Variants in ENAH observed in about 807,000 individuals in gnomAD.
ENAH encodes ENAH actin regulator, also known as protein enabled homolog.
In ENAH, 23 loss-of-function variants were observed where a neutral mutation model predicts 78.7. That is an observed-to-expected ratio of 0.29 (90% CI 0.21 to 0.41). ENAH has a LOEUF of 0.41. Ranked by LOEUF, ENAH falls within the 10% of genes least tolerant of loss-of-function variation. The probability of loss-of-function intolerance (pLI) is 1.00; values close to 1 mark genes in which losing one functional copy is unlikely to be tolerated. For missense variants in ENAH, 544 were observed against 691.0 expected (o/e 0.79, Z 2.39); for synonymous variants, 226 against 241.0 (o/e 0.94, Z 0.58).
intron 1 of ENAH, among the ~76,000 whole-genome samples, chr1:225,594,184 T>C (rs528178428): frequency 6.6e-6 from 1 of 152,198 alleles, no homozygotes; most frequent in African/African-American, 2.4e-5. Context: ...TGTTCTTAAA[T>C]GGATGTGAAA....
intron 1 of ENAH, among the ~76,000 whole-genome samples, chr1:225,581,544 A>T (rs2096817808): frequency 6.6e-6 from 1 of 152,184 alleles, no homozygotes; most frequent in South Asian, 2.1e-4. Context: ...ACCATATGAG[A>T]TCAAGAAAGA....
At chr1:225,500,879 T>A (rs920750534) in intron 12 of ENAH, 113 bp downstream of exon 12, 21 of 963,782 alleles carry the variant, frequency 2.2e-5, no homozygotes, top group Non-Finnish European at 3.3e-5. Flanking sequence ...TGTATAACAA[T>A]AGCTCTATCG....
At chr1:225,578,291 A>C (rs2096797683) in intron 1 of ENAH, among the ~76,000 whole-genome samples, 2 of 152,082 alleles carry the variant, frequency 1.3e-5, no homozygotes, top group Non-Finnish European at 2.9e-5. Context: ...ACAAAGTGAG[A>C]CTCTGTCTCC....
At position 225,487,900 on chromosome 1, in the gene ENAH, C is replaced by G. The variant is rs1439551586; in HGVS notation, c.*9875G>C. ...TCACTTTTAAATTTTTTCTACTGTG[C>G]TGTTCTACTATATACTTTTGGTCTA... On this transcript the variant is annotated 3_prime_UTR_variant, in exon 14 of 14. Coordinates refer to ENST00000366843, the MANE Select transcript of ENAH (RefSeq NM_018212.6). 1 of 152,016 alleles carries G rather than the reference C, an allele frequency of 6.6e-6. No individual in the cohort carries two copies. The highest frequency in any genetic ancestry group is 1.5e-5 in the Non-Finnish European group (1 of 68,012). 9.4% of individuals were successfully genotyped at this position (152,016 alleles called of 1,614,324 possible). A position where few individuals can be genotyped will look rare whatever the true frequency, so the allele number is the denominator to read the frequency against.
At chr1:225,629,385 T>G (rs1039522199) in intron 1 of ENAH, among the ~76,000 whole-genome samples, 4 of 148,944 alleles carry the variant, frequency 2.7e-5, no homozygotes, top group Non-Finnish European at 6.0e-5. Flanking sequence ...CAGGAATTCG[T>G]GACCAGCCTG....
chr1:225,509,457 G>A (rs572911122), intron 10 of ENAH, among the ~76,000 whole-genome samples: 44 of 152,278 alleles, frequency 2.9e-4, no homozygotes, highest in Admixed American at 2.4e-3. Context: ...GGTTCAGCTG[G>A]CCCTGTGGAA....
chr1:225,562,910 C>G (rs1042547237), intron 2 of ENAH, among the ~76,000 whole-genome samples: 3 of 150,638 alleles, frequency 2.0e-5, no homozygotes, highest in Non-Finnish European at 4.4e-5. Context: ...GAGGTCAAGG[C>G]TGCAGTGAGC....
intron 5 of ENAH, chr1:225,517,640 A>T: frequency 6.4e-7 from 1 of 1,550,694 alleles, no homozygotes; most frequent in East Asian, 2.4e-5. Flanking sequence ...GAAAAATTGG[A>T]AGTAGACCAG....
Position 225,519,278 on chromosome 1 carries a change from T to G in ENAH, c.722A>C (p.Glu241Ala). 1 of 1,614,086 alleles carries G rather than the reference T, an allele frequency of 6.2e-7. No homozygotes were observed. Among genetic ancestry groups the G allele is most frequent in the South Asian group, 1.1e-5 (1 of 91,080 alleles). Residue 241 changes from glutamate (E) to alanine (A), a missense_variant, in exon 5 of 14, where the codon GAG (glutamate) becomes GCG (alanine). Physicochemically the swap from Glu to Ala is moderately radical, Grantham distance 107 (BLOSUM62 -1). Coordinates refer to ENST00000366843, the MANE Select transcript of ENAH (RefSeq NM_018212.6). ...CTCTTGTCGCTCCCTTTCTTGCCTC[T>G]CCCGTTCCAGTCTCTCCAGCCTCTC... Reference protein sequence around the residue: ...ERERLERLERERQERERQEQL... With the variant: ...ERERLERLERARQERERQEQL...
At chr1:225,625,317 A>G (rs763752418) in intron 1 of ENAH, among the ~76,000 whole-genome samples, 2 of 152,214 alleles carry the variant, frequency 1.3e-5, no homozygotes, top group African/African-American at 4.8e-5. Context: ...TTAGCAGACA[A>G]AAATAATTTT....
At chr1:225,497,863 T>C (rs1454635949) in intron 13 of ENAH, 51 bp from the exon 14 acceptor site, 2 of 1,511,550 alleles carry the variant, frequency 1.3e-6, no homozygotes, top group East Asian at 4.6e-5. Flanking sequence ...TAAAGTAAGA[T>C]AAATGAGTGA....
intron 11 of ENAH, 33 bp from the exon 12 acceptor site, chr1:225,501,103 A>C: frequency 6.5e-7 from 1 of 1,536,004 alleles, no homozygotes; most frequent in Non-Finnish European, 9.0e-7. Flanking sequence ...ACAGGTAAAC[A>C]ACATTCTTAA....
chr1:225,527,586 AT>A (rs752175485), intron 4 of ENAH, among the ~76,000 whole-genome samples: 1 of 152,328 alleles, frequency 6.6e-6, no homozygotes, highest in Non-Finnish European at 1.5e-5. Flanking sequence ...GCAAAAACAG[AT>A]TGTACGGGAT....
rs2096248755 is a variant in ENAH, at chr1:225,496,087, T to G, written c.*1688A>C. 1 of 152,626 alleles carries G rather than the reference T, an allele frequency of 6.6e-6. No homozygotes were observed. Among genetic ancestry groups the G allele is most frequent in the South Asian group, 2.1e-4 (1 of 4,816 alleles). The allele number at this position is 152,626 out of a possible 1,614,324, so 9.5% of individuals were successfully genotyped here. The stretch of plus-strand genomic sequence containing the variant: ...AATTATTTCAAAGTTTTAGTAAAAC[T>G]TCTGATAATCAGAGTTCAAAGCAAA... On this transcript the variant is annotated 3_prime_UTR_variant, in exon 14 of 14. Transcript: ENST00000366843.
intron 4 of ENAH, chr1:225,524,624 C>T (rs2096491579): frequency 1.0e-6 from 1 of 985,286 alleles, no homozygotes; most frequent in Admixed American, 6.2e-5. Flanking sequence ...ACTTTTGGTC[C>T]ATCCGGCCTC....
At chr1:225,597,655 C>CAAAAAAAAAAAAAAAAAA (rs565567062) in intron 1 of ENAH, among the ~76,000 whole-genome samples, 1 of 61,172 alleles carries the variant, frequency 1.6e-5, no homozygotes, top group Non-Finnish European at 3.8e-5. Context: ...AAGAGCATCT[C>CAAAAAAAAAAAAAAAAAA]AAAAAAAAAA....
chr1:225,610,415 A>C (rs2096982011), intron 1 of ENAH, among the ~76,000 whole-genome samples: 1 of 152,168 alleles, frequency 6.6e-6, no homozygotes, highest in African/African-American at 2.4e-5. Context: ...GGGTTATAAT[A>C]AATTTGTGAT....
chr1:225,561,187 C>T (rs1221533678), intron 2 of ENAH, among the ~76,000 whole-genome samples: 1 of 152,012 alleles, frequency 6.6e-6, no homozygotes, highest in Non-Finnish European at 1.5e-5. Context: ...GAGCAGAGAT[C>T]GCACCACTGC....
intron 6 of ENAH, 98 bp downstream of exon 6, chr1:225,517,098 G>A: frequency 9.9e-7 from 1 of 1,014,808 alleles, no homozygotes; most frequent in Non-Finnish European, 1.4e-6. Flanking sequence ...AATGTTCAAG[G>A]ATCAAAACCA....
Sources: allele counts gnomAD v4.1 joint callset (sites outside exome capture counted in the v4.1 genomes callset), GRCh38; gene constraint gnomAD v4.1.1; transcripts MANE v1.5; gene names NCBI Gene and HGNC (gene_info 2026-07-23, HGNC 2026-07-21).